PTBP3: variants seen among roughly 807,000 people sequenced by gnomAD.
The protein encoded by PTBP3 is polypyrimidine tract binding protein 3, also known as polypyrimidine tract-binding protein 3.
In PTBP3, 20 loss-of-function variants were observed where a neutral mutation model predicts 58.7. That is an observed-to-expected ratio of 0.34 (90% CI 0.24 to 0.50). PTBP3 has a LOEUF of 0.50. Among genes scored for constraint, PTBP3 ranks in the 20% least tolerant of loss-of-function variants. The probability of loss-of-function intolerance (pLI) is 0.98; values close to 1 mark genes in which losing one functional copy is unlikely to be tolerated. For missense variants in PTBP3, 509 were observed against 637.2 expected (o/e 0.80, Z 2.17); for synonymous variants, 185 against 219.8 (o/e 0.84, Z 1.40).
chr9:112,333,085 T>A (rs1392561294), intron 1 of PTBP3: 6 of 1,270,924 alleles, frequency 4.7e-6, no homozygotes, highest in South Asian at 2.8e-5. Flanking sequence ...CGCCTCCGCC[T>A]CCCCCAGCGC....
chr9:112,313,319 T>G (rs1829564457), intron 1 of PTBP3, among the ~76,000 whole-genome samples: 2 of 152,122 alleles, frequency 1.3e-5, no homozygotes, highest in African/African-American at 4.8e-5. Context: ...TCCTCCTACC[T>G]CAACCTACCA....
the PTBP3 span, chr9:112,379,861 T>TGTA: frequency 1.9e-6 from 1 of 522,006 alleles, no homozygotes; most frequent in Admixed American, 3.9e-5. Flanking sequence ...GACAGGAGCC[T>TGTA]GATTGTCACC....
intron 1 of PTBP3, among the ~76,000 whole-genome samples, chr9:112,309,545 G>A (rs957364130): frequency 1.3e-4 from 20 of 152,096 alleles, no homozygotes; most frequent in African/African-American, 4.6e-4. Context: ...AGCACTTTTG[G>A]GAGGCCAAGG....
At chr9:112,256,203 GA>G (rs1236046782) in intron 5 of PTBP3, among the ~76,000 whole-genome samples, 2 of 143,152 alleles carry the variant, frequency 1.4e-5, no homozygotes, top group African/African-American at 5.1e-5. Flanking sequence ...GCAGTGAGCT[GA>G]AATCGGGCCA....
At chr9:112,266,584 AGT>A (rs1836809583) in intron 4 of PTBP3, among the ~76,000 whole-genome samples, 1 of 152,232 alleles carries the variant, frequency 6.6e-6, no homozygotes, top group African/African-American at 2.4e-5. Context: ...AAACAACTTC[AGT>A]GTATATCAAA....
chr9:112,307,065 C>T (rs1250236404), intron 1 of PTBP3, among the ~76,000 whole-genome samples: 1 of 152,084 alleles, frequency 6.6e-6, no homozygotes, highest in Non-Finnish European at 1.5e-5. Context: ...TAAAACATGC[C>T]TAAAATAACA....
chr9:112,329,908 A>G (rs764659134), intron 1 of PTBP3, among the ~76,000 whole-genome samples: 1 of 149,394 alleles, frequency 6.7e-6, no homozygotes, highest in Non-Finnish European at 1.5e-5. Context: ...GTGCAGTGAC[A>G]CGGTCACACT....
the PTBP3 span, among the ~76,000 whole-genome samples, chr9:112,352,958 T>G: frequency 6.6e-6 from 1 of 152,032 alleles, no homozygotes; most frequent in Non-Finnish European, 1.5e-5. Flanking sequence ...TGGAGTGCAG[T>G]GGTGTGATCT....
At chr9:112,253,662 G>A (rs376353691) in intron 5 of PTBP3, among the ~76,000 whole-genome samples, 2 of 152,170 alleles carry the variant, frequency 1.3e-5, no homozygotes, top group Non-Finnish European at 2.9e-5. Context: ...CTGGTGGGAG[G>A]TGACTGGATC....
the PTBP3 span, among the ~76,000 whole-genome samples, chr9:112,345,779 A>T: frequency 6.6e-6 from 1 of 152,206 alleles, no homozygotes; most frequent in Admixed American, 6.5e-5. Context: ...AGCTCTATCT[A>T]ATATTAAAAT....
chr9:112,339,850 G>C, the PTBP3 span, among the ~76,000 whole-genome samples: 1 of 152,200 alleles, frequency 6.6e-6, no homozygotes, highest in East Asian at 1.9e-4. Context: ...ACAGGTGTCA[G>C]ACACCATGCC....
intron 1 of PTBP3, among the ~76,000 whole-genome samples, chr9:112,329,734 CATA>C (rs1830291820): frequency 6.6e-6 from 1 of 151,638 alleles, no homozygotes; most frequent in Non-Finnish European, 1.5e-5. Flanking sequence ...GCACCTGACA[CATA>C]GTAGGCACTG....
intron 1 of PTBP3, among the ~76,000 whole-genome samples, chr9:112,312,476 G>A (rs77470004): frequency 3.6e-5 from 2 of 56,092 alleles, no homozygotes; most frequent in Non-Finnish European, 6.4e-5. Context: ...ACGAGACCTT[G>A]TTTTTTTTTT....
intron 1 of PTBP3, among the ~76,000 whole-genome samples, chr9:112,324,597 C>T (rs1371253690): frequency 6.6e-6 from 1 of 151,614 alleles, no homozygotes; most frequent in East Asian, 1.9e-4. Flanking sequence ...TTGCAGTGAG[C>T]CAAGATCGCA....
chr9:112,350,390 A>G, the PTBP3 span, among the ~76,000 whole-genome samples: 1 of 152,148 alleles, frequency 6.6e-6, no homozygotes, highest in Non-Finnish European at 1.5e-5. Context: ...AATAAACTTT[A>G]TTTTTTATAG....
intron 7 of PTBP3, among the ~76,000 whole-genome samples, chr9:112,249,978 C>T (rs1836040850): frequency 1.3e-5 from 2 of 151,844 alleles, no homozygotes; most frequent in African/African-American, 4.8e-5. Context: ...GACATTTTAT[C>T]AATATTAGAA....
chr9:112,379,854 A>G, the PTBP3 span: 485,769 of 517,788 alleles, frequency 0.94, 228,195 homozygotes, highest in African/African-American at 0.99. Context: ...AGGCGCCGAC[A>G]GGAGCCTGAT....
At chr9:112,247,668 T>C (rs1252910879) in intron 7 of PTBP3, among the ~76,000 whole-genome samples, 1 of 152,068 alleles carries the variant, frequency 6.6e-6, no homozygotes, top group Non-Finnish European at 1.5e-5. Flanking sequence ...TGAGCTATGA[T>C]CACGCCACTG....
chr9:112,379,621 G>A, the PTBP3 span, among the ~76,000 whole-genome samples: 1 of 152,188 alleles, frequency 6.6e-6, no homozygotes, highest in Non-Finnish European at 1.5e-5. Context: ...AGCCACAAAG[G>A]CAATTTCTGC....
Sources: allele counts gnomAD v4.1 joint callset (sites outside exome capture counted in the v4.1 genomes callset), GRCh38; gene constraint gnomAD v4.1.1; transcripts MANE v1.5; gene names NCBI Gene and HGNC (gene_info 2026-07-23, HGNC 2026-07-21).